PLA2G1B: variants seen among roughly 807,000 people sequenced by gnomAD.
PLA2G1B encodes phospholipase A2 group IB.
Under a neutral mutation model 12.5 loss-of-function variants are expected in PLA2G1B, and 12 were observed. That is an observed-to-expected ratio of 0.96 (90% CI 0.62 to 1.56). The LOEUF (loss-of-function observed/expected upper bound fraction) is 1.56, where lower values mean the gene tolerates loss of function less well. Among genes scored for constraint, PLA2G1B ranks in the 40% most tolerant of loss-of-function variants. The probability of loss-of-function intolerance (pLI) is 0.00; values close to 1 mark genes in which losing one functional copy is unlikely to be tolerated. For missense variants in PLA2G1B, 189 were observed against 186.7 expected (o/e 1.01, Z -0.07); for synonymous variants, 81 against 73.4 (o/e 1.10, Z -0.53).
At chr12:120,326,593 A>T (rs934056417) in intron 1 of PLA2G1B, among the ~76,000 whole-genome samples, 4 of 144,418 alleles carry the variant, frequency 2.8e-5, no homozygotes, top group African/African-American at 1.0e-4. Flanking sequence ...TAATAATAAT[A>T]ATAATAATAA....
intron 3 of PLA2G1B, among the ~76,000 whole-genome samples, chr12:120,323,901 G>C (rs1312715448): frequency 6.6e-6 from 1 of 152,070 alleles, no homozygotes; most frequent in Non-Finnish European, 1.5e-5. Context: ...TGTCAAGATT[G>C]TTTTAAAAAA....
At chr12:120,327,448 C>T (rs1266615053) in intron 1 of PLA2G1B, among the ~76,000 whole-genome samples, 1 of 152,152 alleles carries the variant, frequency 6.6e-6, no homozygotes, top group Non-Finnish European at 1.5e-5. Context: ...GAACTCCAGC[C>T]TGGGTGATAG....
In PLA2G1B at chr12:120,326,765, T is replaced by C. The variant is rs1226594779; in HGVS notation, c.35-745A>G. Reference sequence around the variant, plus strand: ...GCAGGCGGATCACAAGGTCATGAGATCGAGACCATCCTGGCTAACACGATG... The same window carrying C: ...GCAGGCGGATCACAAGGTCATGAGACCGAGACCATCCTGGCTAACACGATG... On this transcript the variant is annotated intron_variant, in intron 1 of 3. Coordinates refer to ENST00000308366, the MANE Select transcript of PLA2G1B (RefSeq NM_000928.3). 2.6e-5 allele frequency among the ~76,000 whole-genome samples: 4 copies of C among 151,846 alleles called. No homozygotes were observed. The East Asian group carries it at 7.8e-4, about 29-fold the overall frequency.
intron 2 of PLA2G1B, among the ~76,000 whole-genome samples, chr12:120,325,505 G>T (rs1021540853): frequency 7.9e-5 from 12 of 152,116 alleles, no homozygotes; most frequent in African/African-American, 2.9e-4. Flanking sequence ...TGGCCTGAAA[G>T]CGATTTTTAA....
rs1483787427 is a variant in PLA2G1B at position 120,322,305 on chromosome 12, T to C, written c.335A>G (p.Glu112Gly). ...GCAGTTGCAAATGAAGGCCTCACAC[T>C]CTTTGTTTTTGCCTGGAGAGGGATG... ...SAITCSSKNK[E>G]CEAFICNCDR... The change falls in exon 4 of 4, where the codon GAG (glutamate) becomes GGG (glycine). Residue 112 changes from glutamate to glycine, a missense_variant. Glu to Gly is a moderately conservative substitution (Grantham distance 98). Coordinates refer to ENST00000308366, the MANE Select transcript of PLA2G1B (RefSeq NM_000928.3). 1 of 1,613,926 alleles carries C rather than the reference T, an allele frequency of 6.2e-7. No homozygotes were observed.
chr12:120,322,888 G>A (rs774941690), intron 3 of PLA2G1B, among the ~76,000 whole-genome samples: 6 of 152,002 alleles, frequency 3.9e-5, no homozygotes, highest in Non-Finnish European at 7.4e-5. Flanking sequence ...GCCCAACCTA[G>A]TTTCTCTACT....
chr12:120,322,271 G>T lies in PLA2G1B; in HGVS notation c.369C>A (p.Asn123Lys), dbSNP rs199972494. The T allele has an allele frequency of 1.9e-6, 3 of 1,613,832 alleles. No homozygotes were observed. Among genetic ancestry groups the T allele is most frequent in the Non-Finnish European group, 2.5e-6 (3 of 1,179,882 alleles). ...CEAFICNCDR[N>K]AAICFSKAPY... is the part of the protein sequence containing the mutation. The stretch of plus-strand genomic sequence containing the variant: ...GAGCTTTTGAAAAGCAGATGGCAGC[G>T]TTGCGGTCGCAGTTGCAAATGAAGG... The change falls in exon 4 of 4, where the codon AAC (asparagine) becomes AAA (lysine). Residue 123 changes from asparagine (N) to lysine (K), a missense_variant. Transcript: ENST00000308366.
At chr12:120,322,396 A>C in intron 3 of PLA2G1B, 79 bp from the exon 4 acceptor site, 1 of 1,384,272 alleles carries the variant, frequency 7.2e-7, no homozygotes, top group Non-Finnish European at 1.0e-6. Context: ...AATTAACTGG[A>C]ATAAGCTGGC....
chr12:120,324,590 C>T (rs1873299553), intron 3 of PLA2G1B, among the ~76,000 whole-genome samples: 2 of 152,150 alleles, frequency 1.3e-5, no homozygotes, highest in East Asian at 1.9e-4. Flanking sequence ...ATCCCTTGAG[C>T]TCAGGAGGTT....
intron 3 of PLA2G1B, among the ~76,000 whole-genome samples, chr12:120,322,839 G>A (rs560545143): frequency 6.6e-5 from 10 of 152,154 alleles, no homozygotes; most frequent in Admixed American, 2.0e-4. Context: ...CATTTGCCTC[G>A]GCCTCCCAAA....
intron 3 of PLA2G1B, among the ~76,000 whole-genome samples, chr12:120,322,559 A>G (rs986367379): frequency 2.0e-5 from 3 of 152,158 alleles, no homozygotes; most frequent in African/African-American, 7.2e-5. Flanking sequence ...TCTGAAAGTC[A>G]TATTTATCTG....
At chr12:120,323,839 C>T (rs1209981035) in intron 3 of PLA2G1B, among the ~76,000 whole-genome samples, 1 of 151,978 alleles carries the variant, frequency 6.6e-6, no homozygotes, top group Non-Finnish European at 1.5e-5. Flanking sequence ...AAAGTCATAA[C>T]AAGGTGATAA....
intron 1 of PLA2G1B, among the ~76,000 whole-genome samples, 176 bp downstream of exon 1, chr12:120,327,544 T>C (rs1481288375): frequency 6.6e-6 from 1 of 152,188 alleles, no homozygotes; most frequent in Admixed American, 6.5e-5. Context: ...GTTGAAAAAG[T>C]GCCAGCCTTG....
chr12:120,327,264 CA>C (rs1337215409), intron 1 of PLA2G1B, among the ~76,000 whole-genome samples: 1 of 152,018 alleles, frequency 6.6e-6, no homozygotes, highest in Non-Finnish European at 1.5e-5. Context: ...CACCGCACTC[CA>C]GCCTGGGCGA....
At chr12:120,324,407 T>C (rs1045534289) in intron 3 of PLA2G1B, among the ~76,000 whole-genome samples, 2 of 152,208 alleles carry the variant, frequency 1.3e-5, no homozygotes, top group African/African-American at 4.8e-5. Flanking sequence ...GGCTCACCCC[T>C]GTAATCCCAG....
chr12:120,325,738 G>T, intron 2 of PLA2G1B, 123 bp downstream of exon 2: 1 of 893,052 alleles, frequency 1.1e-6, no homozygotes, highest in Non-Finnish European at 1.7e-6. Flanking sequence ...TTTGACAAGA[G>T]GTGAAAATAT....
Position 120,327,736 on chromosome 12 carries a change from T to C in PLA2G1B, c.18A>G (p.Leu6=). 6.2e-7 allele frequency: 1 copy of C among 1,614,046 alleles called. No individual in the cohort carries two copies. Among genetic ancestry groups the C allele is most frequent in the Non-Finnish European group, 8.5e-7 (1 of 1,179,946 alleles). ...CTTGCCTACCTGTGAGCAGCACAGC[T>C]AGCACAAGGAGTTTCATCTTGCAGT... MKLLV[L]AVLLTVAAAD... Residue 6 remains leucine (L), a synonymous_variant, in exon 1 of 4, where the codon CTA becomes CTG. Transcript: ENST00000308366.
intron 3 of PLA2G1B, 84 bp from the exon 4 acceptor site, chr12:120,322,401 G>A: frequency 2.3e-6 from 3 of 1,305,958 alleles, no homozygotes; most frequent in Non-Finnish European, 2.1e-6. Context: ...ACTGGAATAA[G>A]CTGGCAGCCA....
intron 1 of PLA2G1B, among the ~76,000 whole-genome samples, chr12:120,327,139 G>C (rs1021490979): frequency 6.6e-6 from 1 of 151,612 alleles, no homozygotes; most frequent in Non-Finnish European, 1.5e-5. Flanking sequence ...AATTAGCTGG[G>C]CATGGTGGTG....
Sources: gnomAD v4.1 joint callset for allele counts (sites outside exome capture counted in the v4.1 genomes callset) on GRCh38, gnomAD v4.1.1 for gene constraint, MANE v1.5 for transcripts, NCBI Gene and HGNC (gene_info 2026-07-23, HGNC 2026-07-21) for gene names.